FRMD4A: variants seen among roughly 807,000 people sequenced by gnomAD.
FRMD4A encodes FERM domain containing 4A.
FRMD4A carries 29 observed loss-of-function variants against 129.1 expected under a neutral mutation model. The observed-to-expected ratio is 0.22, with a 90% CI of 0.17 to 0.31. The LOEUF is 0.31. FRMD4A is among the 10% of genes least tolerant of loss of function. FRMD4A has a pLI of 1.00. For missense variants in FRMD4A, 1,272 were observed against 1,375.8 expected (o/e 0.92, Z 1.19); for synonymous variants, 634 against 571.6 (o/e 1.11, Z -1.56).
chr10:13,822,451 C>G (rs148801038), intron 3 of FRMD4A, among the ~76,000 whole-genome samples: 18 of 152,130 alleles, frequency 1.2e-4, no homozygotes, highest in East Asian at 1.2e-3. Context: ...CACATTTGAT[C>G]GACATTTGTG....
chr10:14,172,952 G>C (rs1030371483), intron 2 of FRMD4A, among the ~76,000 whole-genome samples: 1 of 152,142 alleles, frequency 6.6e-6, no homozygotes, highest in East Asian at 1.9e-4. Context: ...TCTCGCAAAG[G>C]ATGGGGTGTC....
chr10:14,037,633 T>A (rs1833562470), intron 2 of FRMD4A, among the ~76,000 whole-genome samples: 1 of 148,178 alleles, frequency 6.7e-6, no homozygotes, highest in Admixed American at 7.0e-5. Flanking sequence ...AGGAGTAGAA[T>A]TGTTGGCTCA....
chr10:14,217,861 C>T (rs1436332770), intron 2 of FRMD4A, among the ~76,000 whole-genome samples: 1 of 151,590 alleles, frequency 6.6e-6, no homozygotes, highest in Admixed American at 6.6e-5. Context: ...GACAGAGTCT[C>T]ACTCTGTCAT....
intron 2 of FRMD4A, among the ~76,000 whole-genome samples, chr10:13,888,922 A>C (rs1193047977): frequency 6.6e-6 from 1 of 152,252 alleles, no homozygotes; most frequent in Non-Finnish European, 1.5e-5. Context: ...ATATCTAAGA[A>C]CAAAGCTTTA....
chr10:14,314,288 C>T (rs962413332), intron 2 of FRMD4A, among the ~76,000 whole-genome samples: 13 of 152,124 alleles, frequency 8.5e-5, no homozygotes, highest in Non-Finnish European at 1.0e-4. Flanking sequence ...TCTCACCTCA[C>T]CTCTCCATGG....
At chr10:13,660,668 T>C (rs10796105) in intron 19 of FRMD4A, 115 bp from the exon 20 acceptor site, 549,558 of 666,102 alleles carry the variant, frequency 0.83, 227,488 homozygotes, top group East Asian at 0.88. Context: ...AACCCACACC[T>C]TCACCCCTGT....
intron 2 of FRMD4A, among the ~76,000 whole-genome samples, chr10:14,308,528 T>C (rs1846429216): frequency 6.6e-6 from 1 of 152,230 alleles, no homozygotes; most frequent in African/African-American, 2.4e-5. Flanking sequence ...TACAACCTGC[T>C]TTCCTATGAT....
intron 15 of FRMD4A, chr10:13,685,723 G>A (rs1269630090): frequency 1.2e-5 from 9 of 758,090 alleles, no homozygotes; most frequent in African/African-American, 9.5e-5. Context: ...CAGGAGGATC[G>A]CTTAAGCCCA....
chr10:14,015,033 TCC>T (rs2095694236), intron 2 of FRMD4A, among the ~76,000 whole-genome samples: 1 of 126,480 alleles, frequency 7.9e-6, no homozygotes, highest in Non-Finnish European at 1.7e-5. Flanking sequence ...CCTTCCTTCC[TCC>T]CTCCCTTCCT....
chr10:13,972,059 T>C, intron 2 of FRMD4A: 1 of 1,149,514 alleles, frequency 8.7e-7, no homozygotes, highest in African/African-American at 1.6e-5. Context: ...TCCTTGTCTC[T>C]GGGGACTCAC....
intron 8 of FRMD4A, among the ~76,000 whole-genome samples, chr10:13,755,498 G>A (rs1239318981): frequency 2.0e-5 from 3 of 152,108 alleles, no homozygotes; most frequent in African/African-American, 7.2e-5. Flanking sequence ...GCCTCTAACC[G>A]CTCCCCTGGG....
intron 2 of FRMD4A, among the ~76,000 whole-genome samples, chr10:14,287,177 C>T (rs1055652481): frequency 6.6e-6 from 1 of 152,100 alleles, no homozygotes; most frequent in Non-Finnish European, 1.5e-5. Context: ...AGGTGGTCAT[C>T]AGGCATGGAC....
intron 2 of FRMD4A, among the ~76,000 whole-genome samples, chr10:13,907,599 C>T (rs1353004624): frequency 4.6e-5 from 7 of 152,106 alleles, no homozygotes; most frequent in African/African-American, 1.7e-4. Flanking sequence ...AACACCTCCA[C>T]CTGACAGACG....
rs190602617 is a variant in FRMD4A, at chr10:13,784,539, T to C, written c.300-1533A>G. On this transcript the variant is annotated intron_variant, in intron 5 of 24. Coordinates refer to ENST00000357447, the MANE Select transcript of FRMD4A (RefSeq NM_018027.5). Reference sequence around the variant, plus strand: ...TACAATCACCTGAGGGGCAACAACTTGGAATGTCCAGCTTCAAATGATACT... The same window carrying C: ...TACAATCACCTGAGGGGCAACAACTCGGAATGTCCAGCTTCAAATGATACT... 5.3e-5 allele frequency among the ~76,000 whole-genome samples: 8 copies of C among 152,298 alleles called. No individual in the cohort carries two copies. The East Asian group carries it at 1.5e-3, about 29-fold the overall frequency.
chr10:14,187,811 G>T (rs1016520), intron 2 of FRMD4A, among the ~76,000 whole-genome samples: 16,674 of 152,070 alleles, frequency 0.11, 1,630 homozygotes, highest in African/African-American at 0.25. Flanking sequence ...TGGGAAATTT[G>T]GTTTTCTTTG....
intron 12 of FRMD4A, among the ~76,000 whole-genome samples, chr10:13,709,377 A>C (rs923623826): frequency 7.9e-5 from 12 of 151,866 alleles, no homozygotes; most frequent in African/African-American, 2.9e-4. Flanking sequence ...GCAGCCACAG[A>C]TCGTAGCACA....
intron 2 of FRMD4A, among the ~76,000 whole-genome samples, chr10:14,132,798 G>T (rs1839329589): frequency 6.6e-6 from 1 of 152,228 alleles, no homozygotes; most frequent in African/African-American, 2.4e-5. Context: ...GGGAAGCTCT[G>T]CCCTCTGGGA....
At chr10:14,271,042 G>A (rs1845147297) in intron 2 of FRMD4A, among the ~76,000 whole-genome samples, 1 of 152,190 alleles carries the variant, frequency 6.6e-6, no homozygotes, top group Non-Finnish European at 1.5e-5. Flanking sequence ...AGAAGGCAAA[G>A]GAGAGCAAGT....
intron 2 of FRMD4A, among the ~76,000 whole-genome samples, chr10:13,891,101 G>A (rs1366231915): frequency 3.3e-5 from 5 of 152,020 alleles, no homozygotes; most frequent in Non-Finnish European, 7.4e-5. Flanking sequence ...TACTAAAGGG[G>A]GTTCCCTTCT....
Sources: allele counts gnomAD v4.1 joint callset (sites outside exome capture counted in the v4.1 genomes callset), GRCh38; gene constraint gnomAD v4.1.1; transcripts MANE v1.5; gene names NCBI Gene and HGNC (gene_info 2026-07-23, HGNC 2026-07-21).